Variants in PLXDC1 observed in about 807,000 individuals in gnomAD.
PLXDC1 encodes the protein plexin domain-containing protein 1.
A neutral mutation model predicts 61.3 loss-of-function variants in PLXDC1; 39 were observed. The observed-to-expected ratio is 0.64, with a 90% CI of 0.49 to 0.83. The LOEUF (loss-of-function observed/expected upper bound fraction) is 0.83. Ranked by LOEUF, PLXDC1 falls within the 40% of genes least tolerant of loss-of-function variation. PLXDC1 has a pLI of 0.00. For missense variants in PLXDC1, 596 were observed against 666.5 expected (o/e 0.89, Z 1.17); for synonymous variants, 212 against 254.5 (o/e 0.83, Z 1.59).
chr17:39,099,852 C>G (rs989487519), intron 7 of PLXDC1, among the ~76,000 whole-genome samples: 2 of 152,088 alleles, frequency 1.3e-5, no homozygotes, highest in Admixed American at 6.5e-5. Context: ...AGCATGGCCC[C>G]CAGAGAGCCT....
chr17:39,082,563 C>CTCA (rs35716213), intron 9 of PLXDC1, among the ~76,000 whole-genome samples: 49 of 143,780 alleles, frequency 3.4e-4, no homozygotes, highest in African/African-American at 7.9e-4. Context: ...AAAACTCTCT[C>CTCA]AAAAAAAAAA....
chr17:39,100,549 C>T (rs1423003132), intron 7 of PLXDC1, among the ~76,000 whole-genome samples: 1 of 151,390 alleles, frequency 6.6e-6, no homozygotes, highest in South Asian at 2.1e-4. Flanking sequence ...GCCACCGTGC[C>T]TGGCCGCTGG....
chr17:39,131,499 T>C (rs1911561396), intron 2 of PLXDC1, among the ~76,000 whole-genome samples: 1 of 152,078 alleles, frequency 6.6e-6, no homozygotes, highest in African/African-American at 2.4e-5. Context: ...ATTATAGGCG[T>C]GCACCACCAT....
At chr17:39,095,004 T>A (rs144057480) in intron 7 of PLXDC1, among the ~76,000 whole-genome samples, 2 of 152,198 alleles carry the variant, frequency 1.3e-5, no homozygotes, top group East Asian at 3.9e-4. Flanking sequence ...AGATAGAGAC[T>A]CAGACTTTTC....
At chr17:39,079,449 G>A (rs941609881) in intron 9 of PLXDC1, 17 of 521,634 alleles carry the variant, frequency 3.3e-5, no homozygotes, top group Non-Finnish European at 5.2e-5. Flanking sequence ...CCTCAAGGTC[G>A]CCTTGACTCT....
intron 2 of PLXDC1, among the ~76,000 whole-genome samples, chr17:39,128,179 A>G (rs1349124057): frequency 1.5e-5 from 2 of 133,008 alleles, no homozygotes; most frequent in Non-Finnish European, 3.2e-5. Flanking sequence ...ATATGTATAT[A>G]TATATGTGTG....
chr17:39,137,843 G>T (rs543304392), intron 2 of PLXDC1, among the ~76,000 whole-genome samples: 2 of 152,102 alleles, frequency 1.3e-5, no homozygotes, highest in East Asian at 3.9e-4. Flanking sequence ...GTACCAGCAG[G>T]CGAGTGGCTG....
In PLXDC1 at chr17:39,109,166, G is replaced by A. The variant is rs997450853; in HGVS notation, c.399+82C>T. On this transcript the variant is annotated intron_variant, in intron 3 of 13. Coordinates refer to ENST00000315392, the MANE Select transcript of PLXDC1 (RefSeq NM_020405.5). ...CCCAGGTCACAGACCTCGGGCCACA[G>A]CCATGCCCACTGACCAGGCAGGGTG... The A allele has an allele frequency of 1.6e-5, 24 of 1,515,572 alleles. No homozygotes were observed. In the South Asian group the frequency reaches 2.5e-4, roughly 16 times the overall value. 93.9% of individuals were successfully genotyped at this position (1,515,572 alleles called of 1,614,324 possible). A position where few individuals can be genotyped will look rare whatever the true frequency, so the allele number is the denominator to read the frequency against.
At chr17:39,078,607 C>G (rs1909433694) in intron 10 of PLXDC1, among the ~76,000 whole-genome samples, 1 of 152,192 alleles carries the variant, frequency 6.6e-6, no homozygotes. Flanking sequence ...AGGATGCTTT[C>G]CACCTAGAAT....
At chr17:39,071,691 C>T (rs1454145095) in intron 12 of PLXDC1, among the ~76,000 whole-genome samples, 1 of 152,058 alleles carries the variant, frequency 6.6e-6, no homozygotes, top group African/African-American at 2.4e-5. Context: ...GGATTATGGC[C>T]CAGCCACCCC....
At chr17:39,147,683 G>C (rs73983239) in intron 1 of PLXDC1, among the ~76,000 whole-genome samples, 4 of 151,982 alleles carry the variant, frequency 2.6e-5, no homozygotes, top group Non-Finnish European at 1.5e-5. Context: ...GGAAGGGGAG[G>C]GGAGGGGAAG....
chr17:39,107,629 G>A (rs752589638), intron 5 of PLXDC1, 104 bp from the exon 6 acceptor site: 38 of 830,176 alleles, frequency 4.6e-5, no homozygotes, highest in Middle Eastern at 4.4e-4. Flanking sequence ...GGGTCCCTTC[G>A]GGATGATGGG....
intron 2 of PLXDC1, among the ~76,000 whole-genome samples, chr17:39,136,910 G>C (rs1376693248): frequency 1.3e-5 from 2 of 152,148 alleles, no homozygotes; most frequent in Non-Finnish European, 2.9e-5. Flanking sequence ...CAGCAGAAGA[G>C]AGAAGAAAAA....
At chr17:39,118,261 A>G (rs1387238623) in intron 2 of PLXDC1, among the ~76,000 whole-genome samples, 1 of 150,984 alleles carries the variant, frequency 6.6e-6, no homozygotes, top group Non-Finnish European at 1.5e-5. Flanking sequence ...CTGGAGTGCA[A>G]TGGTGAGATC....
At chr17:39,102,323 G>A (rs16964972) in intron 7 of PLXDC1, among the ~76,000 whole-genome samples, 3,834 of 152,198 alleles carry the variant, frequency 0.025, 154 homozygotes, top group African/African-American at 0.087. Flanking sequence ...CACGGCAAGC[G>A]AAAGAGTAGG....
chr17:39,115,972 G>T (rs1227634855), intron 2 of PLXDC1, among the ~76,000 whole-genome samples: 1 of 151,990 alleles, frequency 6.6e-6, no homozygotes, highest in Non-Finnish European at 1.5e-5. Flanking sequence ...AAAATTAGCT[G>T]GGTGTGGTGG....
At chr17:39,152,651 G>A (rs891119442), upstream of PLXDC1, 1 of 1,240,744 alleles carries the variant, frequency 8.1e-7, no homozygotes, top group Non-Finnish European at 1.0e-6. Flanking sequence ...GAAAACCGCG[G>A]AGAGGAAGGG....
In PLXDC1 at chr17:39,140,018, A is replaced by G. The variant is rs148842276; in HGVS notation, c.77-186T>C. Among the ~76,000 whole-genome samples, 337 of 152,320 alleles carry G rather than the reference A, an allele frequency of 2.2e-3. 9 individuals carry two copies. In the East Asian group the frequency reaches 0.036, roughly 16 times the overall value. On this transcript the variant is annotated intron_variant, in intron 1 of 13. Coordinates refer to ENST00000315392, the MANE Select transcript of PLXDC1 (RefSeq NM_020405.5). ...GAGTCACGTGCCCAGCTCCAGGCCA[A>G]GCACTTCGCACATATCCTTTTAATC...
chr17:39,114,941 C>G (rs1044909835), intron 2 of PLXDC1, among the ~76,000 whole-genome samples: 1 of 152,218 alleles, frequency 6.6e-6, no homozygotes, highest in African/African-American at 2.4e-5. Context: ...CCACGCTCTG[C>G]AGTTGTGAAG....
Sources: gnomAD v4.1 joint callset for allele counts (sites outside exome capture counted in the v4.1 genomes callset) on GRCh38, gnomAD v4.1.1 for gene constraint, MANE v1.5 for transcripts, NCBI Gene and HGNC (gene_info 2026-07-23, HGNC 2026-07-21) for gene names.